The following DNM3 variants were observed in gnomAD, a reference collection of about 807,000 sequenced individuals.
DNM3 encodes the protein dynamin 3.
A neutral mutation model predicts 101.6 loss-of-function variants in DNM3; 47 were observed. The observed-to-expected ratio is 0.46, with a 90% CI of 0.37 to 0.59. The LOEUF (loss-of-function observed/expected upper bound fraction) is 0.59, where lower values mean the gene tolerates loss of function less well. Among genes scored for constraint, DNM3 ranks in the 20% least tolerant of loss-of-function variants. The probability of loss-of-function intolerance (pLI) is 0.00; values close to 1 mark genes in which losing one functional copy is unlikely to be tolerated. For missense variants in DNM3, 849 were observed against 1,085.7 expected (o/e 0.78, Z 3.06); for synonymous variants, 385 against 387.9 (o/e 0.99, Z 0.09).
At chr1:172,013,679 G>A (rs959447526) in intron 4 of DNM3, among the ~76,000 whole-genome samples, 3 of 151,956 alleles carry the variant, frequency 2.0e-5, no homozygotes, top group Admixed American at 6.6e-5. Context: ...AAATTTTGAA[G>A]GATAGGTAGG....
chr1:172,319,936 T>C (rs1236932629), intron 16 of DNM3, among the ~76,000 whole-genome samples: 1 of 152,100 alleles, frequency 6.6e-6, no homozygotes. Context: ...TGCACACATA[T>C]GTTTATTGCA....
intron 2 of DNM3, among the ~76,000 whole-genome samples, chr1:171,967,841 A>G (rs2043697670): frequency 1.3e-5 from 2 of 152,174 alleles, no homozygotes; most frequent in South Asian, 4.1e-4. Flanking sequence ...ACAAAATAAT[A>G]TATACCTTAC....
intron 2 of DNM3, among the ~76,000 whole-genome samples, chr1:171,928,529 T>A (rs1170929865): frequency 1.3e-5 from 2 of 152,128 alleles, no homozygotes; most frequent in African/African-American, 4.8e-5. Flanking sequence ...GTTCCCTGTC[T>A]GGTGATGAGC....
chr1:172,313,325 T>C (rs2065158837), intron 16 of DNM3, among the ~76,000 whole-genome samples: 1 of 152,202 alleles, frequency 6.6e-6, no homozygotes, highest in Non-Finnish European at 1.5e-5. Context: ...GAGGCTATGA[T>C]TAGACAACTT....
chr1:171,898,717 G>GAC (rs972036875), intron 1 of DNM3, among the ~76,000 whole-genome samples: 5 of 150,856 alleles, frequency 3.3e-5, no homozygotes, highest in Non-Finnish European at 7.4e-5. Context: ...GAGAGAGAGA[G>GAC]AGAAATCATA....
At chr1:172,193,011 A>T (rs868072174) in intron 14 of DNM3, among the ~76,000 whole-genome samples, 2 of 151,308 alleles carry the variant, frequency 1.3e-5, no homozygotes, top group African/African-American at 2.4e-5. Context: ...AAAGTGTTCC[A>T]ATTTCTCTAC....
In DNM3 at chr1:171,945,723, A is replaced by G. The variant is rs183430878; in HGVS notation, c.235+23902A>G. 5.9e-5 allele frequency among the ~76,000 whole-genome samples: 9 copies of G among 152,282 alleles called. No individual in the cohort carries two copies. The South Asian group carries it at 1.2e-3, about 21-fold the overall frequency. ...TTTATTTTTATCTCACTCGGAAACA[A>G]GAGACAAGAGGCTAAGATTGGGAAT... On this transcript the variant is annotated intron_variant, in intron 2 of 20. Transcript: ENST00000627582.
intron 15 of DNM3, among the ~76,000 whole-genome samples, chr1:172,273,572 C>T (rs1351969029): frequency 6.6e-6 from 1 of 151,948 alleles, no homozygotes; most frequent in Non-Finnish European, 1.5e-5. Context: ...CAAGCATAAA[C>T]AAAAATAATT....
At chr1:171,970,851 G>A (rs1450105837) in intron 2 of DNM3, among the ~76,000 whole-genome samples, 1 of 151,930 alleles carries the variant, frequency 6.6e-6, no homozygotes, top group Non-Finnish European at 1.5e-5. Context: ...GAAGAATCAA[G>A]TAGCTATTAT....
intron 11 of DNM3, among the ~76,000 whole-genome samples, chr1:172,074,137 G>A (rs375880603): frequency 3.3e-5 from 5 of 152,130 alleles, no homozygotes; most frequent in East Asian, 3.8e-4. Flanking sequence ...GGATACAACA[G>A]ATGAGGTCTA....
intron 1 of DNM3, among the ~76,000 whole-genome samples, chr1:171,850,383 G>A (rs986767160): frequency 4.6e-5 from 7 of 152,094 alleles, no homozygotes; most frequent in Admixed American, 1.3e-4. Flanking sequence ...CAGAAGCTTT[G>A]AAAAGAATAG....
At chr1:171,942,495 G>A (rs759321042) in intron 2 of DNM3, among the ~76,000 whole-genome samples, 1 of 152,012 alleles carries the variant, frequency 6.6e-6, no homozygotes, top group Non-Finnish European at 1.5e-5. Flanking sequence ...GAAATAATAG[G>A]TGAATATTAG....
At chr1:171,963,774 A>G (rs1421790748) in intron 2 of DNM3, among the ~76,000 whole-genome samples, 1 of 150,344 alleles carries the variant, frequency 6.7e-6, no homozygotes, top group South Asian at 2.1e-4. Context: ...TAACGTATAT[A>G]TATATATAAA....
intron 1 of DNM3, among the ~76,000 whole-genome samples, chr1:171,896,297 T>C (rs2037792378): frequency 6.6e-6 from 1 of 152,222 alleles, no homozygotes; most frequent in Non-Finnish European, 1.5e-5. Flanking sequence ...CATTTGTTTG[T>C]GTCCTCTTTT....
In DNM3 at chr1:172,153,686, G is replaced by A. The variant is rs377667394; in HGVS notation, c.1659+22398G>A. ...GAATTGAGGTTATTGGTAAAAAAAT[G>A]TGTTAGGTTATTTAATAAGATTTTG... On this transcript the variant is annotated intron_variant, in intron 14 of 20. Transcript: ENST00000627582. Among the ~76,000 whole-genome samples, 4 of 152,128 alleles carry A rather than the reference G, an allele frequency of 2.6e-5. No individual in the cohort carries two copies. In the East Asian group the frequency reaches 5.8e-4, roughly 22 times the overall value.
intron 14 of DNM3, among the ~76,000 whole-genome samples, chr1:172,159,353 T>C (rs1304830964): frequency 6.6e-6 from 1 of 152,114 alleles, no homozygotes; most frequent in Admixed American, 6.6e-5. Context: ...GTGTTTCTGC[T>C]ACAGCAAGTT....
intron 14 of DNM3, among the ~76,000 whole-genome samples, chr1:172,175,199 TCC>T (rs1187329435): frequency 6.6e-6 from 1 of 151,766 alleles, no homozygotes; most frequent in Non-Finnish European, 1.5e-5. Flanking sequence ...AGAAATGTAT[TCC>T]TACTTTTGGA....
chr1:172,287,800 C>T (rs1162988596), intron 15 of DNM3, among the ~76,000 whole-genome samples: 2 of 131,668 alleles, frequency 1.5e-5, no homozygotes, highest in Admixed American at 7.4e-5. Context: ...TATATATATA[C>T]ACATGCACAC....
At chr1:171,870,502 A>G (rs987588550) in intron 1 of DNM3, among the ~76,000 whole-genome samples, 2 of 152,112 alleles carry the variant, frequency 1.3e-5, no homozygotes, top group East Asian at 1.9e-4. Flanking sequence ...ACAAAAAAAA[A>G]CCCTCTGAAG....
Sources: allele counts gnomAD v4.1 joint callset (sites outside exome capture counted in the v4.1 genomes callset), GRCh38; gene constraint gnomAD v4.1.1; transcripts MANE v1.5; gene names NCBI Gene and HGNC (gene_info 2026-07-23, HGNC 2026-07-21).